Variants in PCDH7 observed in about 807,000 individuals in gnomAD.
The protein encoded by PCDH7 is protocadherin-7.
PCDH7 carries 17 observed loss-of-function variants against 58.9 expected under a neutral mutation model. The ratio of observed to expected loss-of-function variants is 0.29; its 90% CI spans 0.20 to 0.43. The LOEUF (loss-of-function observed/expected upper bound fraction) is 0.43. Ranked by LOEUF, PCDH7 falls within the 20% of genes least tolerant of loss-of-function variation. PCDH7 has a pLI of 1.00. For synonymous variants in PCDH7, 664 were observed against 616.4 expected (o/e 1.08, Z -1.14); for missense variants, 1,274 against 1,441.0 (o/e 0.88, Z 1.88).
At chr4:30,785,923 C>A (rs1472146445) in intron 1 of PCDH7, among the ~76,000 whole-genome samples, 1 of 151,918 alleles carries the variant, frequency 6.6e-6, no homozygotes, top group East Asian at 1.9e-4. Context: ...ATTGTACCAC[C>A]ATCGAATTGG....
At chr4:30,863,819 G>A (rs1734520801) in intron 1 of PCDH7, among the ~76,000 whole-genome samples, 2 of 152,036 alleles carry the variant, frequency 1.3e-5, no homozygotes, top group South Asian at 4.1e-4. Context: ...CAACCCCCAA[G>A]AGAATAAATT....
intron 1 of PCDH7, among the ~76,000 whole-genome samples, chr4:30,831,402 A>G (rs773231425): frequency 6.6e-6 from 1 of 152,142 alleles, no homozygotes; most frequent in Non-Finnish European, 1.5e-5. Flanking sequence ...CAAAACTTCC[A>G]TCAATAAAAT....
intron 3 of PCDH7, among the ~76,000 whole-genome samples, chr4:31,011,213 AAG>A: frequency 1.3e-5 from 2 of 152,156 alleles, no homozygotes; most frequent in Admixed American, 1.3e-4. Flanking sequence ...TCATTCATAA[AAG>A]AAATTAAATT....
rs556526453 is a variant in PCDH7 at position 31,039,797 on chromosome 4, C to T, written c.*7+89582C>T. Among the ~76,000 whole-genome samples the T allele has an allele frequency of 3.0e-4, 45 of 152,206 alleles. 2 individuals are homozygous for T. The highest frequency in any genetic ancestry group is 9.6e-4 in the African/African-American group (40 of 41,530). On this transcript the variant is annotated intron_variant, in intron 3 of 3. Coordinates refer to the PCDH7 transcript ENST00000509759. ...ACGGAATGAAAACTCAGCCAAATTT[C>T]CTCTTAAGATCACGGAGTAAATTAT...
chr4:30,903,909 A>T (rs1221936179), intron 1 of PCDH7, among the ~76,000 whole-genome samples: 1 of 152,148 alleles, frequency 6.6e-6, no homozygotes, highest in Non-Finnish European at 1.5e-5. Flanking sequence ...GACTATTTTG[A>T]TGATTTTACA....
intron 1 of PCDH7, among the ~76,000 whole-genome samples, chr4:30,752,960 A>G: frequency 6.6e-6 from 1 of 152,192 alleles, no homozygotes; most frequent in East Asian, 1.9e-4. Flanking sequence ...AGTTAAAAAT[A>G]TTAGACTTCA....
intron 3 of PCDH7, among the ~76,000 whole-genome samples, chr4:31,027,229 T>C (rs1754507682): frequency 6.6e-6 from 1 of 152,080 alleles, no homozygotes; most frequent in Non-Finnish European, 1.5e-5. Context: ...CAGCTAAGCT[T>C]TCTTGGAACC....
chr4:30,865,465 T>G (rs553613053), intron 1 of PCDH7, among the ~76,000 whole-genome samples: 1 of 152,162 alleles, frequency 6.6e-6, no homozygotes, highest in East Asian at 1.9e-4. Flanking sequence ...GACTATAGTC[T>G]GGAAGGCTGT....
At chr4:30,979,877 A>G (rs116664689) in intron 3 of PCDH7, among the ~76,000 whole-genome samples, 2,342 of 152,136 alleles carry the variant, frequency 0.015, 60 homozygotes, top group African/African-American at 0.054. Flanking sequence ...AATATTACCA[A>G]CTAGCAAATT....
At chr4:30,954,584 A>C (rs1747666546) in intron 3 of PCDH7, among the ~76,000 whole-genome samples, 2 of 152,140 alleles carry the variant, frequency 1.3e-5, no homozygotes, top group South Asian at 4.1e-4. Context: ...CTTTGCTATC[A>C]CTGCTGTTGA....
rs75145361 is a variant in PCDH7 at position 30,907,655 on chromosome 4, G to T, written c.71-12498G>T. On this transcript the variant is annotated intron_variant, in intron 1 of 3. Transcript: ENST00000509759. ...GAATGCTTTTACACTGTTGGTGGGG[G>T]TGTAAATTAGTTCAACCACTGTGGA... 1.4e-4 allele frequency among the ~76,000 whole-genome samples: 22 copies of T among 152,234 alleles called. No individual in the cohort carries two copies. In the East Asian group the frequency reaches 4.3e-3, roughly 29 times the overall value.
intron 1 of PCDH7, among the ~76,000 whole-genome samples, chr4:30,848,962 T>C (rs1280257575): frequency 6.6e-6 from 1 of 152,160 alleles, no homozygotes; most frequent in Non-Finnish European, 1.5e-5. Flanking sequence ...GGTTGAACCC[T>C]TTAGAGAAAT....
chr4:30,759,578 CA>C (rs1719765089), intron 1 of PCDH7, among the ~76,000 whole-genome samples: 1 of 151,948 alleles, frequency 6.6e-6, no homozygotes. Flanking sequence ...TATTGGATGT[CA>C]GGGGTTTATC....
At chr4:30,978,394 C>T (rs928727337) in intron 3 of PCDH7, among the ~76,000 whole-genome samples, 7 of 152,072 alleles carry the variant, frequency 4.6e-5, no homozygotes, top group African/African-American at 1.7e-4. Context: ...TTATTTAAAC[C>T]CTCAAACAGG....
chr4:31,034,809 TA>T (rs1186817884), intron 3 of PCDH7, among the ~76,000 whole-genome samples: 2 of 151,822 alleles, frequency 1.3e-5, no homozygotes, highest in Non-Finnish European at 2.9e-5. Flanking sequence ...TGTCAGCATT[TA>T]AAAAAAATAA....
At chr4:31,103,268 A>G (rs1176056000) in intron 3 of PCDH7, among the ~76,000 whole-genome samples, 2 of 151,940 alleles carry the variant, frequency 1.3e-5, no homozygotes, top group African/African-American at 4.8e-5. Context: ...AGTTGTAGGG[A>G]TATTTTATTT....
chr4:31,016,173 G>A (rs1753585434), intron 3 of PCDH7, among the ~76,000 whole-genome samples: 1 of 152,254 alleles, frequency 6.6e-6, no homozygotes, highest in African/African-American at 2.4e-5. Context: ...AATGACCAAT[G>A]TTCAGGTTCT....
intron 3 of PCDH7, among the ~76,000 whole-genome samples, chr4:31,045,826 C>T (rs1010829015): frequency 6.6e-6 from 1 of 151,916 alleles, no homozygotes; most frequent in East Asian, 1.9e-4. Context: ...TTGTATTTTT[C>T]GAAGCACACT....
At chr4:30,978,497 T>C (rs1043263852) in intron 3 of PCDH7, among the ~76,000 whole-genome samples, 9 of 152,130 alleles carry the variant, frequency 5.9e-5, no homozygotes, top group Non-Finnish European at 5.9e-5. Flanking sequence ...TATTGAGAAG[T>C]GCTGTGATTT....
Sources: gnomAD v4.1 joint callset for allele counts (sites outside exome capture counted in the v4.1 genomes callset) on GRCh38, gnomAD v4.1.1 for gene constraint, MANE v1.5 for transcripts, NCBI Gene and HGNC (gene_info 2026-07-23, HGNC 2026-07-21) for gene names.